The following SYT1 variants were observed in gnomAD, a reference collection of about 807,000 sequenced individuals.
SYT1 encodes synaptotagmin 1.
SYT1 carries 8 observed loss-of-function variants against 44.8 expected under a neutral mutation model. That is an observed-to-expected ratio of 0.18 (90% confidence interval 0.10 to 0.32). The LOEUF (loss-of-function observed/expected upper bound fraction) is 0.32. Among genes scored for constraint, SYT1 ranks in the 10% least tolerant of loss-of-function variants. The probability of loss-of-function intolerance (pLI) is 1.00; values close to 1 mark genes in which losing one functional copy is unlikely to be tolerated. For synonymous variants in SYT1, 154 were observed against 188.8 expected (o/e 0.82, Z 1.51); for missense variants, 286 against 509.3 (o/e 0.56, Z 4.22).
intron 10 of SYT1, among the ~76,000 whole-genome samples, chr12:79,447,144 G>T (rs1043104060): frequency 1.3e-5 from 2 of 152,050 alleles, no homozygotes; most frequent in African/African-American, 2.4e-5. Context: ...GAATACATTA[G>T]ACATGGAAAT....
intron 3 of SYT1, among the ~76,000 whole-genome samples, chr12:79,169,355 T>C (rs981650535): frequency 1.3e-5 from 2 of 151,964 alleles, no homozygotes; most frequent in East Asian, 1.9e-4. Context: ...CTTACAAAAG[T>C]ATAAATTATA....
chr12:79,096,494 A>T (rs1409997554), intron 3 of SYT1, among the ~76,000 whole-genome samples: 3 of 151,980 alleles, frequency 2.0e-5, no homozygotes, highest in Non-Finnish European at 4.4e-5. Context: ...GCTTTAACAG[A>T]TGTAGTCCAG....
chr12:79,266,817 A>G (rs1420366650), intron 4 of SYT1, among the ~76,000 whole-genome samples: 1 of 152,226 alleles, frequency 6.6e-6, no homozygotes, highest in Non-Finnish European at 1.5e-5. Context: ...CTTGGTCTGT[A>G]GCAGCACAAA....
At chr12:79,008,116 T>G (rs543030167) in intron 2 of SYT1, among the ~76,000 whole-genome samples, 11 of 151,706 alleles carry the variant, frequency 7.3e-5, no homozygotes, top group Non-Finnish European at 1.3e-4. Flanking sequence ...GACTTGGGAG[T>G]AGAAGGTCCA....
chr12:79,009,866 G>A (rs1871310400), intron 2 of SYT1, among the ~76,000 whole-genome samples: 1 of 151,818 alleles, frequency 6.6e-6, no homozygotes, highest in Admixed American at 6.6e-5. Flanking sequence ...TTCTCCACAG[G>A]TACTTTGAGC....
chr12:79,321,646 T>A (rs1881364252), intron 8 of SYT1, among the ~76,000 whole-genome samples: 2 of 152,328 alleles, frequency 1.3e-5, no homozygotes, highest in South Asian at 4.2e-4. Context: ...AAGGATCATT[T>A]AGGCCAGGGC....
chr12:79,410,650 T>C (rs1198421408), intron 9 of SYT1, among the ~76,000 whole-genome samples: 2 of 152,160 alleles, frequency 1.3e-5, no homozygotes, highest in East Asian at 3.9e-4. Flanking sequence ...AAGGCCTCTG[T>C]ATTTTAATAA....
chr12:79,088,780 A>ATGTGTG (rs1279062117), intron 3 of SYT1, among the ~76,000 whole-genome samples: 3 of 92,606 alleles, frequency 3.2e-5, no homozygotes, highest in African/African-American at 7.8e-5. Context: ...GTGTGTGTGT[A>ATGTGTG]TGTGTGTGTG....
intron 1 of SYT1, among the ~76,000 whole-genome samples, chr12:78,966,221 ACATTTATTTGTAAT>A (rs1879765872): frequency 6.6e-6 from 1 of 152,042 alleles, no homozygotes; most frequent in Non-Finnish European, 1.5e-5. Context: ...TTAAACATTT[ACATTTATTTGTAAT>A]CATTTATTTG....
At chr12:78,998,254 C>T (rs1870506675) in intron 2 of SYT1, among the ~76,000 whole-genome samples, 1 of 152,088 alleles carries the variant, frequency 6.6e-6, no homozygotes, top group South Asian at 2.1e-4. Context: ...TTTACAGATA[C>T]CAACCTTTAA....
At chr12:79,173,231 C>A (rs1871655087) in intron 3 of SYT1, among the ~76,000 whole-genome samples, 1 of 151,944 alleles carries the variant, frequency 6.6e-6, no homozygotes, top group Non-Finnish European at 1.5e-5. Context: ...ATTGAGCTTA[C>A]AATTCAGATC....
intron 6 of SYT1, among the ~76,000 whole-genome samples, chr12:79,294,340 A>AT (rs1879776783): frequency 6.6e-6 from 1 of 152,114 alleles, no homozygotes. Context: ...AATATTACAC[A>AT]TTGGTTTTTC....
At chr12:79,272,933 T>G (rs994845830) in intron 4 of SYT1, among the ~76,000 whole-genome samples, 25 of 152,194 alleles carry the variant, frequency 1.6e-4, no homozygotes, top group African/African-American at 5.8e-4. Flanking sequence ...AAAAAAGCTA[T>G]TCATTATCTT....
chr12:79,107,251 A>C (rs183828590), intron 3 of SYT1, among the ~76,000 whole-genome samples: 25 of 151,942 alleles, frequency 1.6e-4, no homozygotes, highest in African/African-American at 6.0e-4. Context: ...AGGGCCAGAG[A>C]GTTTACTAAT....
chr12:79,346,063 A>G (rs967029494), intron 8 of SYT1, among the ~76,000 whole-genome samples: 2 of 152,218 alleles, frequency 1.3e-5, no homozygotes, highest in Admixed American at 6.5e-5. Context: ...AAACTCACTC[A>G]AGAGTACAGT....
chr12:79,344,750 C>T (rs1399251409), intron 8 of SYT1, among the ~76,000 whole-genome samples: 1 of 152,170 alleles, frequency 6.6e-6, no homozygotes, highest in Non-Finnish European at 1.5e-5. Context: ...AGCCACCACA[C>T]CCGGCCTACT....
chr12:78,928,903 G>A (rs950023176), intron 1 of SYT1, among the ~76,000 whole-genome samples: 1 of 152,070 alleles, frequency 6.6e-6, no homozygotes, highest in African/African-American at 2.4e-5. Flanking sequence ...CTGTATATAT[G>A]TCTGAATCAT....
At position 79,179,439 on chromosome 12, in the gene SYT1, C is replaced by CTATATAGATATAGAG. The variant is rs1565842207; in HGVS notation, c.-17-38064_-17-38063insTATATAGATATAGAG. Reference sequence around the variant, plus strand: ...ATAGATATATCTATATAGATATATCCATATAGATATAGATATAATCTATAT... The same window carrying CTATATAGATATAGAG: ...ATAGATATATCTATATAGATATATCCTATATAGATATAGAGATATAGATATAGATATAATCTATAT... On this transcript the variant is annotated intron_variant, in intron 3 of 10. Transcript: ENST00000261205. Among the ~76,000 whole-genome samples the CTATATAGATATAGAG allele has an allele frequency of 8.1e-4, 48 of 59,166 alleles. 6 individuals carry two copies. The highest frequency in any genetic ancestry group is 5.0e-3 in the African/African-American group (45 of 8,966). 38.8% of individuals were successfully genotyped at this position (59,166 alleles called of 152,430 possible).
At chr12:78,964,728 C>T (rs1381998772) in intron 1 of SYT1, among the ~76,000 whole-genome samples, 4 of 152,152 alleles carry the variant, frequency 2.6e-5, no homozygotes, top group South Asian at 4.1e-4. Context: ...CTGTCTCAGT[C>T]TCCTCTCACA....
Sources: allele counts gnomAD v4.1 joint callset (sites outside exome capture counted in the v4.1 genomes callset), GRCh38; gene constraint gnomAD v4.1.1; transcripts MANE v1.5; gene names NCBI Gene and HGNC (gene_info 2026-07-23, HGNC 2026-07-21).